The following MSR1 variants were observed in gnomAD, a reference collection of about 807,000 sequenced individuals.
The protein encoded by MSR1 is macrophage scavenger receptor types I and II.
A neutral mutation model predicts 47.2 loss-of-function variants in MSR1; 53 were observed. That is an observed-to-expected ratio of 1.12 (90% confidence interval 0.90 to 1.41). MSR1 has a LOEUF of 1.41. MSR1 is among the 40% of genes most tolerant of loss of function. The probability of loss-of-function intolerance (pLI) is 0.00; values close to 1 mark genes in which losing one functional copy is unlikely to be tolerated. For missense variants in MSR1, 786 were observed against 546.9 expected, an observed-to-expected ratio of 1.44 and a Z score of -4.36; for synonymous variants, 239 against 185.6, an observed-to-expected ratio of 1.29 and a Z score of -2.34.
Position 16,177,911 on chromosome 8 carries a change from G to A in MSR1, c.78C>T (p.Arg26=). 1.2e-6 allele frequency: 2 copies of A among 1,613,772 alleles called. No homozygotes were observed. The highest frequency in any genetic ancestry group is 2.2e-5 in the East Asian group (1 of 44,848). ...SCSESVKFDA[R]SMTALLPPNP... ...TCGGAGGAAGCAAAGCTGTCATTGAGCGAGCATCAAATTTCACAGATTCGG... is the reference window on the plus strand; with the variant it reads ...TCGGAGGAAGCAAAGCTGTCATTGAACGAGCATCAAATTTCACAGATTCGG... Residue 26 remains arginine, a synonymous_variant, in exon 2 of 10, where the codon CGC becomes CGT. Coordinates refer to ENST00000262101, the MANE Select transcript of MSR1 (RefSeq NM_138715.3).
rs1337591212 is a variant in MSR1, at chr8:16,168,814, C to T, written c.274G>A (p.Asp92Asn). ...TTTCCCGTGAGACTTTGAGTTATAT[C>T]ATTTGCATTAGTTGAACTAACTGAG... ...NCSVSSTNAN[D>N]ITQSLTGKGN... The change falls in exon 4 of 10, where the codon GAT becomes AAT. Residue 92 changes from aspartate to asparagine, a missense_variant. By Grantham distance (23) the Asp-to-Asn change is conservative (BLOSUM62 1). Transcript: ENST00000262101. 57 of 1,613,846 alleles carry T rather than the reference C, an allele frequency of 3.5e-5. No individual in the cohort carries two copies. Among genetic ancestry groups the T allele is most frequent in the Non-Finnish European group, 4.7e-5 (55 of 1,179,984 alleles).
chr8:16,135,381 T>C (rs927217381), intron 8 of MSR1, among the ~76,000 whole-genome samples: 12 of 152,140 alleles, frequency 7.9e-5, no homozygotes, highest in African/African-American at 2.9e-4. Context: ...AATAGGACAA[T>C]GAGGCCTGGG....
intron 4 of MSR1, among the ~76,000 whole-genome samples, chr8:16,167,951 C>T (rs1801363457): frequency 6.6e-6 from 1 of 152,136 alleles, no homozygotes; most frequent in African/African-American, 2.4e-5. Flanking sequence ...GGAATATCAA[C>T]ATGTTGGGAT....
At chr8:16,150,881 CACACAT>C (rs953591645) in intron 6 of MSR1, among the ~76,000 whole-genome samples, 8 of 151,380 alleles carry the variant, frequency 5.3e-5, no homozygotes, top group Admixed American at 6.6e-5. Flanking sequence ...CACACACACA[CACACAT>C]GCGATACACA....
chr8:16,141,028 C>T (rs779803239), intron 8 of MSR1: 1 of 1,613,676 alleles, frequency 6.2e-7, no homozygotes, highest in Non-Finnish European at 8.5e-7. Flanking sequence ...CTAATATGAT[C>T]AGTGAGTTGT....
rs1162319738 is a variant in MSR1 at position 16,139,747 on chromosome 8, TAAAAAAAAAAAAA to T, written c.1033+3798_1033+3810del. The T allele has an allele frequency of 4.0e-4, 59 of 146,566 alleles. 1 individual carries two copies. The African/African-American group carries it at 5.8e-3, about 14-fold the overall frequency. 9.1% of individuals were successfully genotyped at this position (146,566 alleles called of 1,614,324 possible). A position where few individuals can be genotyped will look rare whatever the true frequency, so the allele number is the denominator to read the frequency against. On this transcript the variant is annotated intron_variant, in intron 8 of 9. Coordinates refer to ENST00000262101, the MANE Select transcript of MSR1 (RefSeq NM_138715.3). ...CCAAGCTCGACTACACTTCAAAACT[TAAAAAAAAAAAAA>T]AAAAAAAAAAAAAAATATATATATA... is the stretch of plus-strand genomic sequence containing the variant.
At position 16,155,128 on chromosome 8, in the gene MSR1, C is replaced by A. The variant is rs34797070; in HGVS notation, c.834G>T (p.Pro278=). Residue 278 remains proline (P), a synonymous_variant, in exon 6 of 10, where the codon CCG becomes CCT. Coordinates refer to ENST00000262101, the MANE Select transcript of MSR1 (RefSeq NM_138715.3). The stretch of plus-strand genomic sequence containing the variant: ...TGGGACCTCGATCTCCTTTTTCACC[C>A]GGGGGTCCAGGAGGACCTTTAAAAA... ...ITLIQGPPGP[P]GEKGDRGPTG... is the part of the protein sequence containing the mutation. 1.4e-4 allele frequency: 230 copies of A among 1,611,720 alleles called. No homozygotes were observed. The African/African-American group carries it at 2.8e-3, about 19-fold the overall frequency.
intron 1 of MSR1, among the ~76,000 whole-genome samples, chr8:16,189,806 TAA>T (rs1308288938): frequency 7.1e-6 from 1 of 141,356 alleles, no homozygotes; most frequent in Non-Finnish European, 1.5e-5. Context: ...TTTTTCTAAA[TAA>T]AAAATACAGC....
chr8:16,161,368 T>C (rs1350811665), intron 5 of MSR1, among the ~76,000 whole-genome samples: 1 of 151,940 alleles, frequency 6.6e-6, no homozygotes, highest in African/African-American at 2.4e-5. Context: ...GAAGCAAGGA[T>C]TTGGTTTTGA....
At chr8:16,150,387 A>T in intron 6 of MSR1, 76 bp from the exon 7 acceptor site, 1 of 682,248 alleles carries the variant, frequency 1.5e-6, no homozygotes, top group Non-Finnish European at 2.3e-6. Context: ...GAAAACATCT[A>T]GTTTTATAAG....
At chr8:16,112,789 T>G (rs1799787089) in intron 9 of MSR1, among the ~76,000 whole-genome samples, 1 of 151,840 alleles carries the variant, frequency 6.6e-6, no homozygotes, top group African/African-American at 2.4e-5. Context: ...AAAAATTACG[T>G]GTGTTTCTTA....
chr8:16,160,613 A>C (rs1801134344), intron 5 of MSR1, among the ~76,000 whole-genome samples: 1 of 152,016 alleles, frequency 6.6e-6, no homozygotes, highest in Non-Finnish European at 1.5e-5. Flanking sequence ...AAAGCAAATC[A>C]TGGTAGAGAG....
At chr8:16,146,812 GAAT>G (rs1800711816) in intron 7 of MSR1, among the ~76,000 whole-genome samples, 1 of 152,032 alleles carries the variant, frequency 6.6e-6, no homozygotes, top group Non-Finnish European at 1.5e-5. Flanking sequence ...CAGTGGTTCT[GAAT>G]AATATTTATA....
At position 16,141,073 on chromosome 8, in the gene MSR1, A is replaced by C. The variant is rs760065403; in HGVS notation, c.1033+2485T>G. 5.0e-6 allele frequency: 8 copies of C among 1,610,886 alleles called. No homozygotes were observed. In the East Asian group the frequency reaches 1.8e-4, roughly 36 times the overall value. ...GACACATATATAAAGGAGGAAATTA[A>C]TTATTTTTAACATATTTTCAGAAAG... On this transcript the variant is annotated intron_variant, in intron 8 of 9. Coordinates refer to ENST00000262101, the MANE Select transcript of MSR1 (RefSeq NM_138715.3).
intron 5 of MSR1, among the ~76,000 whole-genome samples, chr8:16,156,102 C>T (rs909309799): frequency 6.6e-6 from 1 of 151,836 alleles, no homozygotes; most frequent in African/African-American, 2.4e-5. Context: ...ATAATCTCTT[C>T]TTTATCTAAA....
At chr8:16,159,786 A>G (rs916676228) in intron 5 of MSR1, among the ~76,000 whole-genome samples, 1 of 151,968 alleles carries the variant, frequency 6.6e-6, no homozygotes, top group Non-Finnish European at 1.5e-5. Context: ...AATGTTCCAT[A>G]TTAAGACAGA....
At chr8:16,164,660 T>A (rs1483159523) in intron 4 of MSR1, among the ~76,000 whole-genome samples, 1 of 152,024 alleles carries the variant, frequency 6.6e-6, no homozygotes, top group Non-Finnish European at 1.5e-5. Flanking sequence ...ATATTGGAAA[T>A]TGTTTTATAG....
chr8:16,124,572 C>T (rs1211886765), intron 8 of MSR1, among the ~76,000 whole-genome samples: 2 of 152,130 alleles, frequency 1.3e-5, no homozygotes, highest in Non-Finnish European at 2.9e-5. Context: ...TCCTTTATTT[C>T]TGGGGCTTTG....
chr8:16,125,775 T>C (rs1219812416), intron 8 of MSR1, among the ~76,000 whole-genome samples: 2 of 152,028 alleles, frequency 1.3e-5, no homozygotes, highest in African/African-American at 2.4e-5. Flanking sequence ...TTTTTAAAAG[T>C]TTTTCTTTAG....
Sources: gnomAD v4.1 joint callset for allele counts (sites outside exome capture counted in the v4.1 genomes callset) on GRCh38, gnomAD v4.1.1 for gene constraint, MANE v1.5 for transcripts, NCBI Gene and HGNC (gene_info 2026-07-23, HGNC 2026-07-21) for gene names.